KLHL25: variants seen among roughly 807,000 people sequenced by gnomAD.
KLHL25 encodes the protein kelch-like protein 25.
A neutral mutation model predicts 30.0 loss-of-function variants in KLHL25; 41 were observed. The ratio of observed to expected loss-of-function variants is 1.37; its 90% confidence interval spans 1.07 to 1.78. The LOEUF (loss-of-function observed/expected upper bound fraction) is 1.78. Among genes scored for constraint, KLHL25 ranks in the 40% most tolerant of loss-of-function variants. The pLI, the probability that KLHL25 is intolerant of heterozygous loss-of-function variation, is 0.00. For synonymous variants in KLHL25, 399 were observed against 355.3 expected (o/e 1.12, Z -1.38); for missense variants, 971 against 824.5 (o/e 1.18, Z -2.18).
Position 85,789,436 on chromosome 15 carries a change from C to G in KLHL25, c.-11+5330G>C, listed in dbSNP as rs2089802169. Among the ~76,000 whole-genome samples the G allele has an allele frequency of 6.6e-6, 1 of 152,008 alleles. No individual in the cohort carries two copies. Among genetic ancestry groups the G allele is most frequent in the African/African-American group, 2.4e-5 (1 of 41,408 alleles). On this transcript the variant is annotated intron_variant, in intron 1 of 2. Transcript: ENST00000337975. This position sits in a 1 kb window ranked among gnomAD's most constrained non-coding sequence, Gnocchi z 4.1. The stretch of plus-strand genomic sequence containing the variant: ...TACTCTGTTGCCCAGGCTGCAGTGC[C>G]ATGGCGCGATCTCGGCTTACTGCAA...
At chr15:85,791,192 C>T (rs2089814056) in intron 1 of KLHL25, among the ~76,000 whole-genome samples, 2 of 21,340 alleles carry the variant, frequency 9.4e-5, no homozygotes, top group African/African-American at 3.7e-4. Context: ...AAGACTCAGT[C>T]TCAAAAAAAA....
At chr15:85,786,465 G>A (rs1261542054) in intron 1 of KLHL25, among the ~76,000 whole-genome samples, 1 of 152,234 alleles carries the variant, frequency 6.6e-6, no homozygotes, top group Admixed American at 6.5e-5. Flanking sequence ...GATGCCTCCT[G>A]GGACCACACA....
intron 1 of KLHL25, among the ~76,000 whole-genome samples, chr15:85,776,523 T>A (rs2089710339): frequency 6.6e-6 from 1 of 152,260 alleles, no homozygotes; most frequent in East Asian, 1.9e-4. Context: ...CCTTTATGCA[T>A]ATTTATTCAA....
intron 1 of KLHL25, among the ~76,000 whole-genome samples, chr15:85,772,888 C>A (rs1162439511): frequency 6.6e-6 from 1 of 152,256 alleles, no homozygotes; most frequent in Non-Finnish European, 1.5e-5. Context: ...AGGTTCCCAC[C>A]CCCTAGACAG....
At chr15:85,777,990 T>G (rs2089720447) in intron 1 of KLHL25, among the ~76,000 whole-genome samples, 1 of 152,206 alleles carries the variant, frequency 6.6e-6, no homozygotes, top group Admixed American at 6.5e-5. Flanking sequence ...TGACTTTCTG[T>G]CTTAATCAGG....
intron 1 of KLHL25, among the ~76,000 whole-genome samples, chr15:85,783,779 TAC>T (rs1314171571): frequency 1.3e-5 from 2 of 151,832 alleles, no homozygotes; most frequent in Non-Finnish European, 2.9e-5. Context: ...CCATAAATCA[TAC>T]AAAGCGAATT....
In KLHL25 at chr15:85,768,699, G is replaced by A. The variant is rs542141942; in HGVS notation, c.1112C>T (p.Ala371Val). The stretch of plus-strand genomic sequence containing the variant: ...AAAGCGGGCAATCAGCATGGGCGCC[G>A]CCTTGGACCATTCCTCATGTACGGT... ...YDTVHEEWSK[A>V]APMLIARFGH... The change falls in exon 2 of 3, where the codon GCG becomes GTG. Residue 371 changes from alanine to valine, a missense_variant. Ala to Val is a moderately conservative substitution (Grantham distance 64). Coordinates refer to ENST00000337975, the MANE Select transcript of KLHL25 (RefSeq NM_022480.4). 43 of 1,613,390 alleles carry A rather than the reference G, an allele frequency of 2.7e-5. No homozygotes were observed. The highest frequency in any genetic ancestry group is 1.2e-4 in the South Asian group (11 of 91,090).
Position 85,768,389 on chromosome 15 carries a change from G to C in KLHL25, c.1422C>G (p.Ile474Met). The C allele has an allele frequency of 6.2e-7, 1 of 1,613,734 alleles. No individual in the cohort carries two copies. The highest frequency in any genetic ancestry group is 2.2e-5 in the East Asian group (1 of 44,866). Residue 474 changes from isoleucine to methionine, a missense_variant, in exon 2 of 3, where the codon ATC (isoleucine) becomes ATG (methionine). Physicochemically the swap from Ile to Met is conservative, Grantham distance 10. Coordinates refer to ENST00000337975, the MANE Select transcript of KLHL25 (RefSeq NM_022480.4). ...CYDPSENRWT[I>M]KAECPQPWRY... is the part of the protein sequence containing the mutation. ...GCCAAGGCTGGGGGCACTCGGCCTT[G>C]ATCGTCCACCTGTTCTCCGAGGGGT...
rs60547525 is a variant in KLHL25, at chr15:85,788,056, CAA to C, written c.-11+6708_-11+6709del. On this transcript the variant is annotated intron_variant, in intron 1 of 2. Transcript: ENST00000337975. ...GGGCAATGAGAGGGAAACTAGATCT[CAA>C]AAAAAAAAAAAAAAAAAAAAGGAAA... 7.9e-4 allele frequency among the ~76,000 whole-genome samples: 46 copies of C among 58,292 alleles called. No homozygotes were observed. In the East Asian group the frequency reaches 9.9e-3, roughly 13 times the overall value. 38.2% of individuals were successfully genotyped at this position (58,292 alleles called of 152,430 possible). A position where few individuals can be genotyped will look rare whatever the true frequency, so the allele number is the denominator to read the frequency against.
intron 1 of KLHL25, among the ~76,000 whole-genome samples, chr15:85,778,247 A>G (rs1338870118): frequency 2.0e-5 from 3 of 152,202 alleles, no homozygotes; most frequent in African/African-American, 7.2e-5. Context: ...CTTGGCCTGG[A>G]AAGACACACA....
At chr15:85,765,288 C>A (rs1279644683) in intron 2 of KLHL25, among the ~76,000 whole-genome samples, 1 of 151,682 alleles carries the variant, frequency 6.6e-6, no homozygotes, top group Admixed American at 6.6e-5. Context: ...CTCAGGGAAT[C>A]AAGAAATTTG....
intron 1 of KLHL25, among the ~76,000 whole-genome samples, chr15:85,782,705 C>T (rs2151811883): frequency 6.6e-6 from 1 of 152,296 alleles, no homozygotes; most frequent in African/African-American, 2.4e-5. Flanking sequence ...TGTGGTGCCC[C>T]ATGCGACACA....
At chr15:85,775,692 T>C (rs2089704778) in intron 1 of KLHL25, among the ~76,000 whole-genome samples, 1 of 151,518 alleles carries the variant, frequency 6.6e-6, no homozygotes, top group African/African-American at 2.4e-5. Flanking sequence ...GGAAAGGAGA[T>C]GGAAAGATGA....
At chr15:85,766,043 G>A (rs1343196260) in intron 2 of KLHL25, among the ~76,000 whole-genome samples, 3 of 152,142 alleles carry the variant, frequency 2.0e-5, no homozygotes, top group African/African-American at 7.2e-5. Context: ...CCATTGAGAA[G>A]CAATCCCAGC....
At chr15:85,774,908 GCT>G (rs1231566781) in intron 1 of KLHL25, among the ~76,000 whole-genome samples, 1 of 138,322 alleles carries the variant, frequency 7.2e-6, no homozygotes, top group Non-Finnish European at 1.5e-5. Context: ...ACGGAGTCTT[GCT>G]CTGTCTCCCA....
At chr15:85,779,517 T>G (rs1006567996) in intron 1 of KLHL25, among the ~76,000 whole-genome samples, 4 of 152,058 alleles carry the variant, frequency 2.6e-5, no homozygotes, top group African/African-American at 7.2e-5. Flanking sequence ...GGCTTAGGGG[T>G]AGGGAGGTGC....
intron 2 of KLHL25, among the ~76,000 whole-genome samples, chr15:85,766,709 A>G (rs2089628311): frequency 6.6e-6 from 1 of 152,104 alleles, no homozygotes; most frequent in Non-Finnish European, 1.5e-5. Context: ...TTTCATAGCG[A>G]TTCCACACAA....
chr15:85,775,001 C>G (rs954594413), intron 1 of KLHL25, among the ~76,000 whole-genome samples: 4 of 151,914 alleles, frequency 2.6e-5, no homozygotes, highest in South Asian at 2.1e-4. Flanking sequence ...CTCAGCCTCC[C>G]GAGTAGCTGG....
chr15:85,769,830 G>C lies in KLHL25; in HGVS notation c.-10-10C>G. ...CGACATGGTGCGTCAGCTTGTGGGG[G>C]AACAAGCCCACAGGTTAGAGGAGCC... On this transcript the variant is annotated splice_polypyrimidine_tract_variant and intron_variant, in intron 1 of 2. Transcript: ENST00000337975. 6.3e-7 allele frequency: 1 copy of C among 1,590,188 alleles called. No individual in the cohort carries two copies. Among genetic ancestry groups the C allele is most frequent in the Non-Finnish European group, 8.6e-7 (1 of 1,168,866 alleles).
Sources: gnomAD v4.1 joint callset for allele counts (sites outside exome capture counted in the v4.1 genomes callset) on GRCh38, gnomAD v4.1.1 for gene constraint, Gnocchi (gnomAD v3.1) non-coding constraint, MANE v1.5 for transcripts, NCBI Gene and HGNC (gene_info 2026-07-23, HGNC 2026-07-21) for gene names.